Variants in MAP7 observed in about 807,000 individuals in gnomAD.
MAP7 encodes the protein microtubule associated protein 7.
In MAP7, 52 loss-of-function variants were observed where a neutral mutation model predicts 94.8. That is an observed-to-expected ratio of 0.55 (90% CI 0.44 to 0.69). MAP7 has a LOEUF of 0.69. Ranked by LOEUF, MAP7 falls within the 30% of genes least tolerant of loss-of-function variation. The pLI, the probability that MAP7 is intolerant of heterozygous loss-of-function variation, is 0.00. For synonymous variants in MAP7, 350 were observed against 357.0 expected (o/e 0.98, Z 0.22); for missense variants, 940 against 964.6 (o/e 0.97, Z 0.34).
intron 1 of MAP7, among the ~76,000 whole-genome samples, chr6:136,444,087 T>A (rs946603156): frequency 6.6e-6 from 1 of 152,234 alleles, no homozygotes; most frequent in Non-Finnish European, 1.5e-5. Flanking sequence ...AAGTCCACTG[T>A]GTATTTTAAA....
chr6:136,427,845 C>A (rs1308538772), intron 1 of MAP7, among the ~76,000 whole-genome samples: 12 of 152,200 alleles, frequency 7.9e-5, no homozygotes, highest in Admixed American at 7.9e-4. Flanking sequence ...TGGAGTAGCT[C>A]ATTCAGCAAT....
At chr6:136,490,879 C>G (rs1447678137) in intron 1 of MAP7, among the ~76,000 whole-genome samples, 1 of 152,196 alleles carries the variant, frequency 6.6e-6, no homozygotes, top group Admixed American at 6.5e-5. Flanking sequence ...TGCCTGTAGA[C>G]TCTCATCCTA....
At chr6:136,386,318 G>A (rs554576883) in intron 5 of MAP7, among the ~76,000 whole-genome samples, 46 of 152,200 alleles carry the variant, frequency 3.0e-4, no homozygotes, top group African/African-American at 1.1e-3. Context: ...TTTATTTTCT[G>A]GCAAACTTCT....
chr6:136,513,517 C>T (rs1212362936), intron 1 of MAP7, among the ~76,000 whole-genome samples: 1 of 152,210 alleles, frequency 6.6e-6, no homozygotes, highest in Non-Finnish European at 1.5e-5. Context: ...GCCATTTCCA[C>T]CACATCTGCA....
intron 1 of MAP7, among the ~76,000 whole-genome samples, chr6:136,523,734 A>G (rs73777922): frequency 1.3e-5 from 2 of 152,046 alleles, no homozygotes. Context: ...TGCCCTTCCC[A>G]CCACTATGGG....
chr6:136,508,200 C>T (rs1434748567), intron 1 of MAP7, among the ~76,000 whole-genome samples: 2 of 152,006 alleles, frequency 1.3e-5, no homozygotes, highest in African/African-American at 4.8e-5. Context: ...TGGCGCATGC[C>T]TGTACTCTCA....
chr6:136,354,139 T>C (rs1790095050), intron 16 of MAP7, among the ~76,000 whole-genome samples: 1 of 144,718 alleles, frequency 6.9e-6, no homozygotes, highest in Admixed American at 6.9e-5. Flanking sequence ...ATATAAAATA[T>C]ATACATCTAC....
At chr6:136,482,965 T>A (rs1413609150) in intron 1 of MAP7, among the ~76,000 whole-genome samples, 5 of 151,840 alleles carry the variant, frequency 3.3e-5, no homozygotes, top group African/African-American at 7.3e-5. Flanking sequence ...TTTGATCAGG[T>A]TTTTTCATTC....
chr6:136,488,256 G>A (rs1815392885), intron 1 of MAP7, among the ~76,000 whole-genome samples: 1 of 152,020 alleles, frequency 6.6e-6, no homozygotes, highest in Non-Finnish European at 1.5e-5. Flanking sequence ...ATTTCACAAA[G>A]CTTTTTTTGG....
intron 1 of MAP7, among the ~76,000 whole-genome samples, chr6:136,424,569 C>T (rs911510068): frequency 2.0e-5 from 3 of 152,192 alleles, no homozygotes; most frequent in Non-Finnish European, 2.9e-5. Context: ...GAGCCTTCAT[C>T]TAGTGAAAAT....
chr6:136,415,899 C>A (rs933784833), intron 2 of MAP7, among the ~76,000 whole-genome samples: 2 of 152,178 alleles, frequency 1.3e-5, no homozygotes, highest in Admixed American at 6.5e-5. Context: ...GCTCAAGATG[C>A]ATAGTGGTTG....
chr6:136,447,401 G>A (rs1258421662), intron 1 of MAP7, among the ~76,000 whole-genome samples: 2 of 152,162 alleles, frequency 1.3e-5, no homozygotes, highest in Admixed American at 1.3e-4. Context: ...TTGGAAAGGT[G>A]TTATTATTTC....
Position 136,455,636 on chromosome 6 carries a change from T to C in MAP7, c.68-33837A>G, listed in dbSNP as rs77800772. Reference sequence around the variant, plus strand: ...ACCACAGGATTAAAGTAGAAATCAATAGCAGAGAGAATACAAGATAATTCA... The same window carrying C: ...ACCACAGGATTAAAGTAGAAATCAACAGCAGAGAGAATACAAGATAATTCA... On this transcript the variant is annotated intron_variant, in intron 1 of 17. Transcript: ENST00000354570. 0.012 allele frequency among the ~76,000 whole-genome samples: 1,887 copies of C among 152,272 alleles called. 82 individuals carry two copies. The East Asian group carries it at 0.14, about 11-fold the overall frequency.
At chr6:136,345,682 T>G in intron 17 of MAP7, 174 bp downstream of exon 17, 3 of 692,958 alleles carry the variant, frequency 4.3e-6, no homozygotes, top group Non-Finnish European at 7.8e-6. Flanking sequence ...AGTTGTCCAA[T>G]CCAACTCAAA....
intron 8 of MAP7, among the ~76,000 whole-genome samples, chr6:136,371,274 G>A (rs1774416406): frequency 1.3e-5 from 2 of 152,170 alleles, no homozygotes; most frequent in African/African-American, 4.8e-5. Flanking sequence ...GTTTTTCCAT[G>A]GTAAATGCTC....
chr6:136,360,849 G>C, intron 12 of MAP7, 51 bp from the exon 13 acceptor site: 2 of 1,595,418 alleles, frequency 1.3e-6, no homozygotes, highest in Non-Finnish European at 1.7e-6. Flanking sequence ...GGGCTGCCCG[G>C]GTCTCCCAGG....
intron 13 of MAP7, among the ~76,000 whole-genome samples, chr6:136,360,303 G>A (rs796566126): frequency 2.0e-5 from 3 of 152,184 alleles, no homozygotes; most frequent in African/African-American, 7.2e-5. Flanking sequence ...CCGCCACCAC[G>A]CCCAGCTAAT....
In MAP7 at chr6:136,505,011, G is replaced by C. The variant is rs1583087756; in HGVS notation, c.67+45331C>G. Among the ~76,000 whole-genome samples, 3 of 151,572 alleles carry C rather than the reference G, an allele frequency of 2.0e-5. No individual in the cohort carries two copies. In the East Asian group the frequency reaches 5.8e-4, roughly 29 times the overall value. On this transcript the variant is annotated intron_variant, in intron 1 of 17. Transcript: ENST00000354570. Reference sequence around the variant, plus strand: ...TTTAAAATGTGTTTAAAAGGTCTGGGTCCTGGGGTCCATGAGTATTTATTA... The same window carrying C: ...TTTAAAATGTGTTTAAAAGGTCTGGCTCCTGGGGTCCATGAGTATTTATTA...
At position 136,504,339 on chromosome 6, in the gene MAP7, G is replaced by GT. The variant is rs1820716307; in HGVS notation, c.67+46002dup. Among the ~76,000 whole-genome samples the GT allele has an allele frequency of 4.0e-5, 6 of 151,738 alleles. No homozygotes were observed. In the South Asian group the frequency reaches 1.3e-3, roughly 32 times the overall value. ...TAATTTGTATTCCCATAAATACATCGTTTTTTGTTTTGTTTTTTTTTTGGG... is the reference window on the plus strand; with the variant it reads ...TAATTTGTATTCCCATAAATACATCGTTTTTTTGTTTTGTTTTTTTTTTGGG... On this transcript the variant is annotated intron_variant, in intron 1 of 17. Transcript: ENST00000354570.
Sources: allele counts gnomAD v4.1 joint callset (sites outside exome capture counted in the v4.1 genomes callset), GRCh38; gene constraint gnomAD v4.1.1; transcripts MANE v1.5; gene names NCBI Gene and HGNC (gene_info 2026-07-23, HGNC 2026-07-21).